The following ADAM23 variants were observed in gnomAD, a reference collection of about 807,000 sequenced individuals.
The protein encoded by ADAM23 is ADAM metallopeptidase domain 23, also known as disintegrin and metalloproteinase domain-containing protein 23.
ADAM23 carries 33 observed loss-of-function variants against 120.1 expected under a neutral mutation model. The ratio of observed to expected loss-of-function variants is 0.27; its 90% confidence interval spans 0.21 to 0.37. ADAM23 has a LOEUF of 0.37. ADAM23 is among the 10% of genes least tolerant of loss of function. ADAM23 has a pLI of 1.00. For synonymous variants in ADAM23, 367 were observed against 375.2 expected (o/e 0.98, Z 0.25); for missense variants, 862 against 1,058.2 (o/e 0.81, Z 2.57).
At chr2:206,558,466 A>G (rs1697690697) in intron 10 of ADAM23, among the ~76,000 whole-genome samples, 2 of 152,158 alleles carry the variant, frequency 1.3e-5, no homozygotes, top group Non-Finnish European at 2.9e-5. Context: ...TTCATAACAT[A>G]TGTATGTTAT....
chr2:206,456,351 A>G (rs929363243), intron 2 of ADAM23, among the ~76,000 whole-genome samples: 20 of 152,138 alleles, frequency 1.3e-4, no homozygotes, highest in Admixed American at 9.2e-4. Context: ...CCGAGATCCA[A>G]TCACCTCCCA....
chr2:206,493,545 G>GT (rs1696176201), intron 3 of ADAM23, among the ~76,000 whole-genome samples: 1 of 152,162 alleles, frequency 6.6e-6, no homozygotes. Flanking sequence ...GCTAATTTTT[G>GT]TATTTTTAGT....
Position 206,517,287 on chromosome 2 carries a change from C to T in ADAM23, c.510-13598C>T, listed in dbSNP as rs117767388. Among the ~76,000 whole-genome samples the T allele has an allele frequency of 1.8e-3, 271 of 152,204 alleles. 5 individuals carry two copies. In the East Asian group the frequency reaches 0.038, roughly 21 times the overall value. ...CAAAAGATAGAGACAGAAAGTAGCC[C>T]GAGTCTCAAAGTTTTCTTGCTGCCA... On this transcript the variant is annotated intron_variant, in intron 3 of 25. Coordinates refer to ENST00000264377, the MANE Select transcript of ADAM23 (RefSeq NM_003812.4).
intron 21 of ADAM23, among the ~76,000 whole-genome samples, chr2:206,591,746 C>T (rs994675100): frequency 1.1e-4 from 17 of 152,104 alleles, no homozygotes; most frequent in African/African-American, 3.6e-4. Context: ...AATGGCTGAA[C>T]TAGTAAATTC....
intron 3 of ADAM23, among the ~76,000 whole-genome samples, chr2:206,483,896 G>T (rs1217078708): frequency 6.6e-6 from 1 of 152,170 alleles, no homozygotes; most frequent in Non-Finnish European, 1.5e-5. Flanking sequence ...CATTGAGGAG[G>T]TTTGGATGAG....
chr2:206,587,481 C>A, intron 19 of ADAM23, 106 bp downstream of exon 19: 2 of 824,886 alleles, frequency 2.4e-6, no homozygotes, highest in Non-Finnish European at 3.7e-6. Flanking sequence ...GAATTTTACT[C>A]AAGTAAATTA....
At chr2:206,524,466 G>C (rs933113954) in intron 3 of ADAM23, among the ~76,000 whole-genome samples, 1 of 152,152 alleles carries the variant, frequency 6.6e-6, no homozygotes, top group African/African-American at 2.4e-5. Flanking sequence ...CCTACTCAAG[G>C]CTTTCCTAAA....
intron 3 of ADAM23, among the ~76,000 whole-genome samples, chr2:206,509,928 C>T (rs1343348720): frequency 1.3e-5 from 2 of 152,208 alleles, no homozygotes; most frequent in Non-Finnish European, 2.9e-5. Flanking sequence ...GTGGCTTTGA[C>T]ATTAGCTAAT....
chr2:206,587,438 CT>C, intron 19 of ADAM23, 63 bp downstream of exon 19: 1 of 1,271,176 alleles, frequency 7.9e-7, no homozygotes, highest in Non-Finnish European at 1.1e-6. Context: ...TTTTTTTTTC[CT>C]TTTTTGATAA....
chr2:206,587,995 A>G lies in ADAM23; in HGVS notation c.1789-96A>G, dbSNP rs930241411. ...AAATATTAGGGTATGAAATGAAAAA[A>G]CTTTATCCAAGTGAACCAGAAGGAG... On this transcript the variant is annotated intron_variant, in intron 19 of 25. Coordinates refer to ENST00000264377, the MANE Select transcript of ADAM23 (RefSeq NM_003812.4). 3.9e-6 allele frequency: 5 copies of G among 1,296,178 alleles called. No homozygotes were observed. The African/African-American group carries it at 4.4e-5, about 11-fold the overall frequency. The allele number at this position is 1,296,178 out of a possible 1,614,324, so 80.3% of individuals were successfully genotyped here. A position where few individuals can be genotyped will look rare whatever the true frequency, so the allele number is the denominator to read the frequency against.
chr2:206,466,664 T>C (rs1574482233), intron 2 of ADAM23, among the ~76,000 whole-genome samples: 1 of 152,350 alleles, frequency 6.6e-6, no homozygotes, highest in East Asian at 1.9e-4. Context: ...GATATATCTT[T>C]AATTAGTGTA....
At chr2:206,580,998 G>T (rs1698210136) in intron 18 of ADAM23, among the ~76,000 whole-genome samples, 1 of 152,252 alleles carries the variant, frequency 6.6e-6, no homozygotes, top group South Asian at 2.1e-4. Context: ...TAGTGTATGT[G>T]TGTAAAGGTG....
rs114452352 is a variant in ADAM23, at chr2:206,568,837, T to C, written c.1494+1515T>C. ...TTTTTTTTTAAATCAGTAACTAATG[T>C]GGTAACTAACAGGATAATTTATTCC... On this transcript the variant is annotated intron_variant, in intron 15 of 25. Transcript: ENST00000264377. 4.6e-3 allele frequency among the ~76,000 whole-genome samples: 697 copies of C among 152,318 alleles called. 1 individual carries two copies. The highest frequency in any genetic ancestry group is 6.9e-3 in the Non-Finnish European group (469 of 68,018).
chr2:206,581,961 T>C (rs970882949), intron 18 of ADAM23, among the ~76,000 whole-genome samples: 15 of 152,158 alleles, frequency 9.9e-5, no homozygotes, highest in Non-Finnish European at 1.5e-4. Context: ...CACTGCAACC[T>C]CTGCCTCCCA....
At chr2:206,531,407 T>A (rs560978805) in intron 4 of ADAM23, among the ~76,000 whole-genome samples, 19 of 152,298 alleles carry the variant, frequency 1.2e-4, no homozygotes, top group African/African-American at 4.6e-4. Flanking sequence ...ATGAGGTGGA[T>A]GTTATTATTC....
chr2:206,578,835 G>A (rs1450852713), intron 18 of ADAM23, among the ~76,000 whole-genome samples: 1 of 152,092 alleles, frequency 6.6e-6, no homozygotes, highest in Non-Finnish European at 1.5e-5. Flanking sequence ...CATAGTGGCG[G>A]TACTAGTTTA....
chr2:206,560,405 A>T (rs889443805), intron 11 of ADAM23, among the ~76,000 whole-genome samples: 9 of 151,980 alleles, frequency 5.9e-5, no homozygotes, highest in African/African-American at 1.5e-4. Flanking sequence ...GGCAGCGGGC[A>T]TGACATGTGG....
Position 206,560,978 on chromosome 2 carries a change from A to C in ADAM23, c.1170-150A>C, listed in dbSNP as rs555147296. ...TAACAAATTTAAAGGTAATTATGTCATAAATTTTAAGGTAGTTGAAATAAA... is the reference window on the plus strand; with the variant it reads ...TAACAAATTTAAAGGTAATTATGTCCTAAATTTTAAGGTAGTTGAAATAAA... On this transcript the variant is annotated intron_variant, in intron 11 of 25. Coordinates refer to ENST00000264377, the MANE Select transcript of ADAM23 (RefSeq NM_003812.4). The C allele has an allele frequency of 7.6e-4, 465 of 612,050 alleles. 4 individuals carry two copies. The South Asian group carries it at 9.2e-3, about 12-fold the overall frequency. 37.9% of individuals were successfully genotyped at this position (612,050 alleles called of 1,614,324 possible).
intron 3 of ADAM23, among the ~76,000 whole-genome samples, chr2:206,488,649 G>A (rs924326789): frequency 1.3e-5 from 2 of 152,142 alleles, no homozygotes; most frequent in African/African-American, 4.8e-5. Flanking sequence ...GTTTCTTGGG[G>A]CAGTAACACT....
Sources: gnomAD v4.1 joint callset for allele counts (sites outside exome capture counted in the v4.1 genomes callset) on GRCh38, gnomAD v4.1.1 for gene constraint, MANE v1.5 for transcripts, NCBI Gene and HGNC (gene_info 2026-07-23, HGNC 2026-07-21) for gene names.